Variants in NIPSNAP3B observed in about 807,000 individuals in gnomAD.
NIPSNAP3B encodes protein NipSnap homolog 3B.
Under a neutral mutation model 31.5 loss-of-function variants are expected in NIPSNAP3B, and 30 were observed. The ratio of observed to expected loss-of-function variants is 0.95; its 90% CI spans 0.71 to 1.29. The LOEUF (loss-of-function observed/expected upper bound fraction) is 1.29. Ranked by LOEUF, NIPSNAP3B falls within the 50% of genes most tolerant of loss-of-function variation. NIPSNAP3B has a pLI of 0.00. For missense variants in NIPSNAP3B, 269 were observed against 300.7 expected (o/e 0.89, Z 0.78); for synonymous variants, 106 against 107.9 (o/e 0.98, Z 0.11).
At chr9:104,785,320 T>G in the NIPSNAP3B span, 2 of 1,584,758 alleles carry the variant, frequency 1.3e-6, no homozygotes, top group Non-Finnish European at 1.7e-6. Flanking sequence ...AAACTGCTCT[T>G]GGACCTATGG....
chr9:104,769,047 AG>A, intron 3 of NIPSNAP3B, 26 bp downstream of exon 3: 1 of 1,568,598 alleles, frequency 6.4e-7, no homozygotes, highest in Non-Finnish European at 8.7e-7. Flanking sequence ...TTAGACTATG[AG>A]TTTTAATGAG....
At chr9:104,788,476 C>T in the NIPSNAP3B span, 26 of 1,614,168 alleles carry the variant, frequency 1.6e-5, no homozygotes, top group African/African-American at 9.3e-5. Context: ...AAGAACTCCA[C>T]GTGTTCTCTC....
intron 1 of NIPSNAP3B, 51 bp downstream of exon 1, chr9:104,764,351 G>C: frequency 1.4e-6 from 2 of 1,465,160 alleles, no homozygotes; most frequent in Non-Finnish European, 1.8e-6. Flanking sequence ...GAGGGGAGGG[G>C]CGGGGGGTAT....
chr9:104,776,519 C>T lies in NIPSNAP3B; in HGVS notation c.*3446C>T, dbSNP rs1429465703. ...TGCATTTATAAGGGCGTGAAGAGCCCTCACTGTGAGGAAACCAGAATGTAA... is the reference window on the plus strand; with the variant it reads ...TGCATTTATAAGGGCGTGAAGAGCCTTCACTGTGAGGAAACCAGAATGTAA... On this transcript the variant is annotated 3_prime_UTR_variant, in exon 6 of 6. Transcript: ENST00000374762. Among the ~76,000 whole-genome samples the T allele has an allele frequency of 6.6e-6, 1 of 152,186 alleles. No homozygotes were observed. Among genetic ancestry groups the T allele is most frequent in the African/African-American group, 2.4e-5 (1 of 41,536 alleles).
chr9:104,771,278 G>C, intron 4 of NIPSNAP3B: 1 of 269,652 alleles, frequency 3.7e-6, no homozygotes, highest in Non-Finnish European at 7.1e-6. Context: ...GTAAACCCAT[G>C]TCATGGGGGT....
chr9:104,778,666 C>G (rs558968665), downstream of NIPSNAP3B, among the ~76,000 whole-genome samples: 1 of 152,194 alleles, frequency 6.6e-6, no homozygotes, highest in Non-Finnish European at 1.5e-5. Flanking sequence ...TCCCTCAGCC[C>G]TTACATGCAG....
chr9:104,783,021 C>A, the NIPSNAP3B span: 1 of 152,516 alleles, frequency 6.6e-6, no homozygotes, highest in Non-Finnish European at 1.5e-5. Flanking sequence ...ACAGCATACA[C>A]TCAAAAAATA....
At position 104,773,273 on chromosome 9, in the gene NIPSNAP3B, C is replaced by T. The variant is rs1828265161; in HGVS notation, c.*200C>T. On this transcript the variant is annotated 3_prime_UTR_variant, in exon 6 of 6. Coordinates refer to ENST00000374762, the MANE Select transcript of NIPSNAP3B (RefSeq NM_018376.4). ...ATAATTCAGTTCACTTTCACCTTGG[C>T]ATTTCAGTATCTGTTACACATTAGA... 1.7e-6 allele frequency: 1 copy of T among 583,408 alleles called. No homozygotes were observed. Among genetic ancestry groups the T allele is most frequent in the East Asian group, 2.9e-5 (1 of 34,716 alleles). 36.1% of individuals were successfully genotyped at this position (583,408 alleles called of 1,614,324 possible). A position where few individuals can be genotyped will look rare whatever the true frequency, so the allele number is the denominator to read the frequency against.
At chr9:104,786,300 A>G in the NIPSNAP3B span, 2 of 1,612,850 alleles carry the variant, frequency 1.2e-6, no homozygotes, top group East Asian at 2.2e-5. Context: ...TTTATTACCT[A>G]TTTTTTAGAT....
At chr9:104,788,638 T>C in the NIPSNAP3B span, 2 of 1,560,946 alleles carry the variant, frequency 1.3e-6, no homozygotes, top group South Asian at 1.1e-5. Flanking sequence ...TCTGGCCTAA[T>C]GTTCCTGTAA....
At position 104,764,299 on chromosome 9, in the gene NIPSNAP3B, A is replaced by T. The variant is rs892451463; in HGVS notation, c.59A>T (p.Gln20Leu). Residue 20 changes from glutamine to leucine, a missense_variant and splice_region_variant, in exon 1 of 6, where the codon CAG (glutamine) becomes CTG (leucine). Coordinates refer to ENST00000374762, the MANE Select transcript of NIPSNAP3B (RefSeq NM_018376.4). ...CTTGCCTCACGGACGCTCGCGCCTC[A>T]GGTACTGGCCGCGGGGGCGCGCCCG... ...KALASRTLAP[Q>L]VCSSFATGPR... 8 of 1,583,684 alleles carry T rather than the reference A, an allele frequency of 5.1e-6. No homozygotes were observed. In the East Asian group the frequency reaches 1.8e-4, roughly 36 times the overall value.
At position 104,774,040 on chromosome 9, in the gene NIPSNAP3B, C is replaced by G. The variant is rs547754972; in HGVS notation, c.*967C>G. The G allele has an allele frequency of 1.7e-4, 26 of 152,206 alleles. 1 individual carries two copies. Among genetic ancestry groups the G allele is most frequent in the South Asian group, 1.7e-3 (8 of 4,820 alleles). The allele number at this position is 152,206 out of a possible 1,614,324, so 9.4% of individuals were successfully genotyped here. ...TGTCCTGGAGTTTTCCTTGAAACAT[C>G]TTTCATTTCCATTTTACTTGATGCC... On this transcript the variant is annotated 3_prime_UTR_variant, in exon 6 of 6. Coordinates refer to ENST00000374762, the MANE Select transcript of NIPSNAP3B (RefSeq NM_018376.4).
At chr9:104,784,348 T>A in the NIPSNAP3B span, 2 of 1,614,116 alleles carry the variant, frequency 1.2e-6, no homozygotes, top group South Asian at 2.2e-5. Flanking sequence ...TCTCATCCTG[T>A]AGAAAAGATG....
chr9:104,768,871 G>C lies in NIPSNAP3B; in HGVS notation c.280G>C (p.Ala94Pro), dbSNP rs10761084. ...VFHIWKYDNFAHRAEVRKALA... is the reference protein window; with the variant it reads ...VFHIWKYDNFPHRAEVRKALA... ...CTATTTTCCTCCCATAGATAATTTT[G>C]CTCATCGAGCTGAAGTTCGGAAAGC... The change falls in exon 3 of 6, where the codon GCT becomes CCT. Residue 94 changes from alanine (A) to proline (P), a missense_variant. Transcript: ENST00000374762. The C allele has an allele frequency of 0.19, 310,443 of 1,595,348 alleles. 31,953 individuals are homozygous for C. Among genetic ancestry groups the C allele is most frequent in the East Asian group, 0.28 (12,406 of 44,716 alleles).
rs1828318447 is a variant in NIPSNAP3B, at chr9:104,775,577, G to T, written c.*2504G>T. ...TTGTGGCTTCAAATGCTATCTGTGT[G>T]TGGATAGCTCCTCCAGTCCACACCT... On this transcript the variant is annotated 3_prime_UTR_variant, in exon 6 of 6. Transcript: ENST00000374762. Among the ~76,000 whole-genome samples the T allele has an allele frequency of 6.6e-6, 1 of 152,086 alleles. No homozygotes were observed. Among genetic ancestry groups the T allele is most frequent in the Non-Finnish European group, 1.5e-5 (1 of 68,016 alleles).
the NIPSNAP3B span, among the ~76,000 whole-genome samples, chr9:104,784,963 C>T: frequency 2.6e-5 from 4 of 152,192 alleles, no homozygotes; most frequent in East Asian, 5.8e-4. Flanking sequence ...CTTTCTATAT[C>T]GCCCCCCACC....
rs1211353290 is a variant in NIPSNAP3B, at chr9:104,774,217, G to T, written c.*1144G>T. On this transcript the variant is annotated 3_prime_UTR_variant, in exon 6 of 6. Coordinates refer to ENST00000374762, the MANE Select transcript of NIPSNAP3B (RefSeq NM_018376.4). ...TCTTACAGCTATAAAATAGTAAATT[G>T]TGAATTAGCTGTCCAAGGGCAATTT... 1.3e-5 allele frequency among the ~76,000 whole-genome samples: 2 copies of T among 152,128 alleles called. No individual in the cohort carries two copies. Among genetic ancestry groups the T allele is most frequent in the African/African-American group, 4.8e-5 (2 of 41,428 alleles).
At chr9:104,788,208 A>C in the NIPSNAP3B span, among the ~76,000 whole-genome samples, 2 of 152,008 alleles carry the variant, frequency 1.3e-5, no homozygotes, top group Non-Finnish European at 2.9e-5. Context: ...GGGAGAAGGG[A>C]CTCGTGTGGT....
chr9:104,771,063 A>G, intron 4 of NIPSNAP3B, 65 bp downstream of exon 4: 3 of 1,417,238 alleles, frequency 2.1e-6, no homozygotes, highest in Non-Finnish European at 2.9e-6. Flanking sequence ...TCTCTTTTTC[A>G]TTTTGGTACC....
Sources: gnomAD v4.1 joint callset for allele counts (sites outside exome capture counted in the v4.1 genomes callset) on GRCh38, gnomAD v4.1.1 for gene constraint, MANE v1.5 for transcripts, NCBI Gene and HGNC (gene_info 2026-07-23, HGNC 2026-07-21) for gene names.